The following AAMDC variants were observed in gnomAD, a reference collection of about 807,000 sequenced individuals.
AAMDC encodes adipogenesis associated Mth938 domain containing.
A neutral mutation model predicts 15.5 loss-of-function variants in AAMDC; 16 were observed. The observed-to-expected ratio is 1.03, with a 90% CI of 0.70 to 1.57. The LOEUF is 1.57. Among genes scored for constraint, AAMDC ranks in the 40% most tolerant of loss-of-function variants. AAMDC has a pLI of 0.00. For missense variants in AAMDC, 141 were observed against 144.9 expected (o/e 0.97, Z 0.14); for synonymous variants, 51 against 51.6 (o/e 0.99, Z 0.05).
chr11:77,883,527 AG>A (rs2136359520), intron 5 of AAMDC, among the ~76,000 whole-genome samples: 5 of 152,334 alleles, frequency 3.3e-5, no homozygotes, highest in Admixed American at 3.3e-4. Context: ...GGTGGCAGTT[AG>A]GATAAGAATA....
intron 5 of AAMDC, among the ~76,000 whole-genome samples, chr11:77,885,595 G>C (rs191188980): frequency 2.1e-4 from 32 of 152,066 alleles, no homozygotes; most frequent in African/African-American, 7.7e-4. Flanking sequence ...GAGCCAGGTG[G>C]ATTACTTGAG....
At chr11:77,825,550 T>C (rs1384379761) in intron 1 of AAMDC, among the ~76,000 whole-genome samples, 1 of 152,160 alleles carries the variant, frequency 6.6e-6, no homozygotes, top group Non-Finnish European at 1.5e-5. Flanking sequence ...TAAGAAGATG[T>C]ATGAAAATAA....
intron 1 of AAMDC, among the ~76,000 whole-genome samples, chr11:77,838,612 T>A (rs1023240186): frequency 2.1e-5 from 3 of 144,568 alleles, no homozygotes; most frequent in African/African-American, 7.8e-5. Context: ...CTGATACAAG[T>A]ACCTTTTTTT....
chr11:77,895,107 A>G (rs1417499470), intron 5 of AAMDC, among the ~76,000 whole-genome samples: 6 of 150,834 alleles, frequency 4.0e-5, no homozygotes, highest in South Asian at 2.1e-4. Context: ...ACAGTACTTG[A>G]GAACATTTCA....
chr11:77,886,928 C>T (rs1952040220), intron 5 of AAMDC, among the ~76,000 whole-genome samples: 1 of 151,804 alleles, frequency 6.6e-6, no homozygotes, highest in Non-Finnish European at 1.5e-5. Context: ...ATACCAGAAT[C>T]TCTGGGACAC....
chr11:77,905,925 AATGT>A (rs1952938057), intron 3 of AAMDC, among the ~76,000 whole-genome samples: 1 of 152,210 alleles, frequency 6.6e-6, no homozygotes, highest in African/African-American at 2.4e-5. Flanking sequence ...TGCTTGCAAA[AATGT>A]ATGTTGTTAT....
chr11:77,863,951 A>T (rs1950996423), intron 2 of AAMDC, among the ~76,000 whole-genome samples: 1 of 151,496 alleles, frequency 6.6e-6, no homozygotes, highest in Non-Finnish European at 1.5e-5. Flanking sequence ...TTTGAGACAG[A>T]GTTTCACTCT....
Position 77,891,296 on chromosome 11 carries a change from ATGAG to A in AAMDC, c.329-9274_329-9271del, listed in dbSNP as rs1011000500. On this transcript the variant is annotated intron_variant, in intron 5 of 5. Transcript: ENST00000304716. Reference sequence around the variant, plus strand: ...AACACAATGTCAGTCTAGAAGCTCCATGAGGACCCAAACCCGACAGACCTGGACC... The same window carrying A: ...AACACAATGTCAGTCTAGAAGCTCCAGACCCAAACCCGACAGACCTGGACC... 1.9e-6 allele frequency: 3 copies of A among 1,606,620 alleles called. No homozygotes were observed. In the African/African-American group the frequency reaches 4.0e-5, roughly 22 times the overall value.
chr11:77,901,336 C>G, downstream of AAMDC: 4 of 1,372,032 alleles, frequency 2.9e-6, no homozygotes, highest in Non-Finnish European at 4.1e-6. Context: ...TTTCACTTAT[C>G]ATTAACTTTC....
At chr11:77,869,982 TGG>T (rs1951337224) in intron 3 of AAMDC, 165 bp downstream of exon 3, 1 of 572,042 alleles carries the variant, frequency 1.7e-6, no homozygotes, top group African/African-American at 1.9e-5. Context: ...TCATCAGCGT[TGG>T]GCTCTCCAGT....
chr11:77,848,603 G>A (rs983070006), intron 2 of AAMDC, among the ~76,000 whole-genome samples: 2 of 152,106 alleles, frequency 1.3e-5, no homozygotes, highest in Non-Finnish European at 2.9e-5. Flanking sequence ...CAGGTGATCC[G>A]CCTGCTTTGA....
chr11:77,896,128 C>T (rs966169393), intron 5 of AAMDC, among the ~76,000 whole-genome samples: 6 of 151,914 alleles, frequency 3.9e-5, no homozygotes, highest in African/African-American at 1.5e-4. Flanking sequence ...TCAACAACCT[C>T]GGTGAGAGTT....
At chr11:77,847,409 T>C (rs145702664) in intron 2 of AAMDC, among the ~76,000 whole-genome samples, 120 of 152,312 alleles carry the variant, frequency 7.9e-4, no homozygotes, top group African/African-American at 2.7e-3. Flanking sequence ...AGGCCCCACA[T>C]AGAAAGAGAG....
intron 2 of AAMDC, among the ~76,000 whole-genome samples, chr11:77,843,111 C>G (rs73495961): frequency 2.0e-5 from 3 of 152,206 alleles, no homozygotes; most frequent in Non-Finnish European, 4.4e-5. Flanking sequence ...TCCAAGGCAC[C>G]TGCACCATTT....
At chr11:77,856,124 A>C (rs1219532785) in intron 2 of AAMDC, among the ~76,000 whole-genome samples, 2 of 152,170 alleles carry the variant, frequency 1.3e-5, no homozygotes, top group Non-Finnish European at 2.9e-5. Context: ...TCTCAAAAAA[A>C]AGAAGAAAGG....
At chr11:77,831,275 A>C (rs377476815) in intron 1 of AAMDC, among the ~76,000 whole-genome samples, 6 of 152,216 alleles carry the variant, frequency 3.9e-5, no homozygotes, top group African/African-American at 1.4e-4. Context: ...TGGATCTGCT[A>C]TGTAACAGTC....
At chr11:77,840,034 A>T (rs1949861468) in intron 1 of AAMDC, among the ~76,000 whole-genome samples, 1 of 152,042 alleles carries the variant, frequency 6.6e-6, no homozygotes, top group African/African-American at 2.4e-5. Flanking sequence ...AAGCAAAATA[A>T]AGACCAGGGT....
intron 1 of AAMDC, among the ~76,000 whole-genome samples, chr11:77,837,400 T>C (rs534062144): frequency 1.3e-5 from 2 of 151,060 alleles, no homozygotes; most frequent in East Asian, 3.9e-4. Flanking sequence ...CCTCCCAAAA[T>C]GCTGGCATCA....
downstream of AAMDC, among the ~76,000 whole-genome samples, chr11:77,903,211 C>G (rs1231079900): frequency 6.6e-6 from 1 of 152,228 alleles, no homozygotes; most frequent in Non-Finnish European, 1.5e-5. Context: ...CCTAGTTATG[C>G]TCCTTCTCAT....
Sources: allele counts gnomAD v4.1 joint callset (sites outside exome capture counted in the v4.1 genomes callset), GRCh38; gene constraint gnomAD v4.1.1; transcripts MANE v1.5; gene names NCBI Gene and HGNC (gene_info 2026-07-23, HGNC 2026-07-21).